LRRTM4: variants seen among roughly 807,000 people sequenced by gnomAD.
LRRTM4 encodes the protein leucine-rich repeat transmembrane neuronal protein 4.
LRRTM4 carries 25 observed loss-of-function variants against 47.6 expected under a neutral mutation model. The ratio of observed to expected loss-of-function variants is 0.53; its 90% CI spans 0.38 to 0.73. The LOEUF (loss-of-function observed/expected upper bound fraction) is 0.73. Among genes scored for constraint, LRRTM4 ranks in the 30% least tolerant of loss-of-function variants. LRRTM4 has a pLI of 0.00. For synonymous variants in LRRTM4, 311 were observed against 269.5 expected, an observed-to-expected ratio of 1.15 and a Z score of -1.51; for missense variants, 638 against 713.4, an observed-to-expected ratio of 0.89 and a Z score of 1.20.
intron 3 of LRRTM4, among the ~76,000 whole-genome samples, chr2:76,917,142 G>A (rs1198574407): frequency 6.6e-6 from 1 of 152,118 alleles, no homozygotes; most frequent in Non-Finnish European, 1.5e-5. Flanking sequence ...CTTTGTTGCA[G>A]CAACCCAACT....
chr2:77,158,916 T>C (rs1377455697), intron 3 of LRRTM4, among the ~76,000 whole-genome samples: 2 of 152,122 alleles, frequency 1.3e-5, no homozygotes, highest in African/African-American at 4.8e-5. Flanking sequence ...ACCTGTCTTC[T>C]GCAAAATATA....
At position 77,123,213 on chromosome 2, in the gene LRRTM4, CAGAGAGAG is replaced by C. The variant is rs56149151; in HGVS notation, c.1552-374305_1552-374298del. On this transcript the variant is annotated intron_variant, in intron 3 of 3. Transcript: ENST00000409884. ...TCCTTTGTGTTCAGCTTCAGTCTCACAGAGAGAGAGAGAGAGAGAGAGAGAGAGAGAAA... is the reference window on the plus strand; with the variant it reads ...TCCTTTGTGTTCAGCTTCAGTCTCACAGAGAGAGAGAGAGAGAGAGAGAAA... Among the ~76,000 whole-genome samples the C allele has an allele frequency of 6.3e-5, 9 of 142,978 alleles. No homozygotes were observed. The South Asian group carries it at 1.6e-3, about 25-fold the overall frequency. 93.8% of individuals were successfully genotyped at this position (142,978 alleles called of 152,430 possible). A position where few individuals can be genotyped will look rare whatever the true frequency, so the allele number is the denominator to read the frequency against.
At chr2:77,180,659 T>G (rs961498444) in intron 3 of LRRTM4, among the ~76,000 whole-genome samples, 1 of 152,194 alleles carries the variant, frequency 6.6e-6, no homozygotes, top group African/African-American at 2.4e-5. Flanking sequence ...AATATCATCA[T>G]GTTGATTATA....
intron 3 of LRRTM4, among the ~76,000 whole-genome samples, chr2:77,481,581 A>G (rs1222010141): frequency 1.3e-5 from 2 of 152,150 alleles, no homozygotes; most frequent in African/African-American, 4.8e-5. Flanking sequence ...AGAGAAAAAA[A>G]AAAGCATGTC....
intron 3 of LRRTM4, among the ~76,000 whole-genome samples, chr2:77,002,253 T>C (rs887245384): frequency 8.5e-5 from 13 of 152,264 alleles, no homozygotes; most frequent in Middle Eastern, 3.4e-3. Context: ...TGCTCTAAAA[T>C]TGGGGACTGC....
At chr2:77,329,682 A>G (rs555625850) in intron 3 of LRRTM4, among the ~76,000 whole-genome samples, 32 of 152,260 alleles carry the variant, frequency 2.1e-4, no homozygotes, top group Admixed American at 2.0e-4. Flanking sequence ...CATGTCGCAC[A>G]TGGACCACAA....
intron 3 of LRRTM4, among the ~76,000 whole-genome samples, chr2:76,887,799 CT>C (rs1249294717): frequency 1.3e-5 from 2 of 150,706 alleles, no homozygotes; most frequent in Non-Finnish European, 3.0e-5. Context: ...TAATTTTCTA[CT>C]AGCCAATGGA....
At chr2:76,748,977 C>A in intron 3 of LRRTM4, 61 bp from the exon 4 acceptor site, 1 of 1,355,176 alleles carries the variant, frequency 7.4e-7, no homozygotes, top group Non-Finnish European at 1.0e-6. Context: ...GATAGGACAG[C>A]ACTCATCAGG....
intron 3 of LRRTM4, among the ~76,000 whole-genome samples, chr2:76,989,169 G>C (rs754741664): frequency 1.3e-5 from 2 of 151,576 alleles, no homozygotes; most frequent in Non-Finnish European, 2.9e-5. Flanking sequence ...TTTTTCAATT[G>C]TTGGTCTTGA....
At chr2:76,908,790 T>A (rs1673943604) in intron 3 of LRRTM4, among the ~76,000 whole-genome samples, 1 of 151,956 alleles carries the variant, frequency 6.6e-6, no homozygotes, top group African/African-American at 2.4e-5. Flanking sequence ...TTACAAGGGA[T>A]GTGAAGGACC....
At chr2:76,964,451 C>G (rs1675958442) in intron 3 of LRRTM4, among the ~76,000 whole-genome samples, 1 of 150,934 alleles carries the variant, frequency 6.6e-6, no homozygotes, top group Non-Finnish European at 1.5e-5. Context: ...TCCTCTGATT[C>G]TTCTGCATCA....
At chr2:76,982,429 G>GA (rs566045738) in intron 3 of LRRTM4, among the ~76,000 whole-genome samples, 3 of 151,768 alleles carry the variant, frequency 2.0e-5, no homozygotes, top group Admixed American at 2.0e-4. Flanking sequence ...AAATGGAAAG[G>GA]AAAAAAAGTA....
chr2:76,788,132 A>G (rs549967722), intron 3 of LRRTM4, among the ~76,000 whole-genome samples: 24 of 152,300 alleles, frequency 1.6e-4, no homozygotes, highest in African/African-American at 5.3e-4. Context: ...GATTAAACTG[A>G]AGAAGGTCAG....
chr2:77,056,414 G>C (rs1006943707), intron 3 of LRRTM4, among the ~76,000 whole-genome samples: 1 of 151,922 alleles, frequency 6.6e-6, no homozygotes, highest in African/African-American at 2.4e-5. Flanking sequence ...GTGAGATCAA[G>C]GGCAACTACA....
intron 3 of LRRTM4, among the ~76,000 whole-genome samples, chr2:77,292,112 G>A (rs1406552236): frequency 6.6e-6 from 1 of 151,902 alleles, no homozygotes; most frequent in Non-Finnish European, 1.5e-5. Flanking sequence ...ACCATCACTG[G>A]CTATCAGAGA....
chr2:76,774,310 A>T (rs1297374363), intron 3 of LRRTM4, among the ~76,000 whole-genome samples: 1 of 151,478 alleles, frequency 6.6e-6, no homozygotes, highest in Non-Finnish European at 1.5e-5. Context: ...TCCTGCCTCA[A>T]CCTCCCTAGT....
intron 3 of LRRTM4, among the ~76,000 whole-genome samples, chr2:77,288,728 T>G (rs1175092405): frequency 6.6e-6 from 1 of 152,102 alleles, no homozygotes; most frequent in Admixed American, 6.6e-5. Flanking sequence ...AATACCTATG[T>G]AATGCTTAGG....
intron 3 of LRRTM4, among the ~76,000 whole-genome samples, chr2:77,247,439 T>C (rs1345712126): frequency 6.6e-6 from 1 of 152,124 alleles, no homozygotes; most frequent in Non-Finnish European, 1.5e-5. Context: ...ACCGTCTGTC[T>C]ATTTTCTAGT....
intron 3 of LRRTM4, among the ~76,000 whole-genome samples, chr2:76,768,610 G>C (rs147454081): frequency 6.6e-6 from 1 of 152,208 alleles, no homozygotes; most frequent in African/African-American, 2.4e-5. Flanking sequence ...TATATGGAAA[G>C]AGTTAGGACT....
Sources: allele counts gnomAD v4.1 joint callset (sites outside exome capture counted in the v4.1 genomes callset), GRCh38; gene constraint gnomAD v4.1.1; transcripts MANE v1.5; gene names NCBI Gene and HGNC (gene_info 2026-07-23, HGNC 2026-07-21).